GPC5: variants seen among roughly 807,000 people sequenced by gnomAD.
GPC5 encodes glypican-5.
In GPC5, 47 loss-of-function variants were observed where a neutral mutation model predicts 53.9. The ratio of observed to expected loss-of-function variants is 0.87; its 90% CI spans 0.69 to 1.11. The LOEUF (loss-of-function observed/expected upper bound fraction) is 1.11, where lower values mean the gene tolerates loss of function less well. Ranked by LOEUF, GPC5 falls within the 50% of genes most tolerant of loss-of-function variation. The probability of loss-of-function intolerance (pLI) is 0.00; values close to 1 mark genes in which losing one functional copy is unlikely to be tolerated. For missense variants in GPC5, 748 were observed against 713.1 expected, an observed-to-expected ratio of 1.05 and a Z score of -0.56; for synonymous variants, 286 against 263.3, an observed-to-expected ratio of 1.09 and a Z score of -0.84.
intron 7 of GPC5, among the ~76,000 whole-genome samples, chr13:92,256,908 T>C (rs1036262262): frequency 1.3e-5 from 2 of 152,136 alleles, no homozygotes; most frequent in Non-Finnish European, 2.9e-5. Flanking sequence ...CTGAATGTGC[T>C]TGAGAAAGAA....
intron 1 of GPC5, among the ~76,000 whole-genome samples, chr13:91,448,490 A>G (rs548024980): frequency 2.0e-5 from 3 of 152,244 alleles, no homozygotes; most frequent in Non-Finnish European, 2.9e-5. Flanking sequence ...GCTGTACTTC[A>G]TAGTAGTTAA....
intron 7 of GPC5, among the ~76,000 whole-genome samples, chr13:92,544,967 G>A (rs4328308): frequency 0.43 from 64,841 of 151,324 alleles, 14,566 homozygotes; most frequent in African/African-American, 0.56. Flanking sequence ...TGTGCACAAC[G>A]TGCAGGTTTG....
At chr13:91,689,220 T>C (rs1466775036) in intron 2 of GPC5, among the ~76,000 whole-genome samples, 5 of 117,076 alleles carry the variant, frequency 4.3e-5, no homozygotes, top group African/African-American at 7.8e-5. Flanking sequence ...TATATATATA[T>C]ATATATATAT....
intron 7 of GPC5, among the ~76,000 whole-genome samples, chr13:92,852,971 T>C (rs1878864512): frequency 6.6e-6 from 1 of 152,170 alleles, no homozygotes; most frequent in African/African-American, 2.4e-5. Flanking sequence ...CTAAGTCAGA[T>C]CACACTTGTC....
intron 6 of GPC5, among the ~76,000 whole-genome samples, chr13:91,984,692 AT>A (rs2040390801): frequency 6.6e-6 from 1 of 151,914 alleles, no homozygotes; most frequent in Non-Finnish European, 1.5e-5. Context: ...TAATTTCAAT[AT>A]TTTCTTTTGT....
intron 7 of GPC5, among the ~76,000 whole-genome samples, chr13:92,553,921 G>T (rs1172990294): frequency 6.6e-6 from 1 of 151,840 alleles, no homozygotes; most frequent in Admixed American, 6.6e-5. Flanking sequence ...ATTTATGATG[G>T]TGTCATTTGA....
In GPC5 at chr13:92,642,089, A is replaced by T. The variant is rs1283460716; in HGVS notation, c.1562-224193A>T. 3.9e-5 allele frequency among the ~76,000 whole-genome samples: 6 copies of T among 152,270 alleles called. No homozygotes were observed. In the East Asian group the frequency reaches 1.2e-3, roughly 29 times the overall value. On this transcript the variant is annotated intron_variant, in intron 7 of 7. Coordinates refer to ENST00000377067, the MANE Select transcript of GPC5 (RefSeq NM_004466.6). ...AATATTTCAAAAATAGAAGCTAGGG[A>T]TTGTAATATAATGTAGGTATATAAC...
At chr13:92,453,893 T>C (rs1057198311) in intron 7 of GPC5, among the ~76,000 whole-genome samples, 16 of 152,196 alleles carry the variant, frequency 1.1e-4, no homozygotes, top group Non-Finnish European at 2.9e-5. Context: ...ATGTTATTAT[T>C]TAGGCTACAC....
intron 7 of GPC5, among the ~76,000 whole-genome samples, chr13:92,675,669 T>C (rs1296928155): frequency 6.6e-6 from 1 of 152,102 alleles, no homozygotes; most frequent in East Asian, 1.9e-4. Flanking sequence ...GACTAAAGTT[T>C]CTTATATGAA....
intron 6 of GPC5, among the ~76,000 whole-genome samples, chr13:91,983,699 G>C (rs2040381727): frequency 6.6e-6 from 1 of 152,126 alleles, no homozygotes; most frequent in South Asian, 2.1e-4. Flanking sequence ...TTTGTAGCTT[G>C]GTCAAATAGC....
chr13:91,825,425 T>G (rs116443724), intron 5 of GPC5, among the ~76,000 whole-genome samples: 6,726 of 152,180 alleles, frequency 0.044, 173 homozygotes, highest in Middle Eastern at 0.068. Context: ...GGCAGAGTAA[T>G]AAAATGAGCT....
chr13:91,860,170 C>T (rs549486016), intron 5 of GPC5, among the ~76,000 whole-genome samples: 4 of 152,200 alleles, frequency 2.6e-5, no homozygotes, highest in East Asian at 1.9e-4. Flanking sequence ...CTTATTCCTC[C>T]GATCCAGCTT....
chr13:92,251,904 C>T (rs2042695229), intron 7 of GPC5, among the ~76,000 whole-genome samples: 1 of 152,050 alleles, frequency 6.6e-6, no homozygotes, highest in Admixed American at 6.6e-5. Flanking sequence ...ACAGTGTTAT[C>T]CAATAACACA....
At position 91,780,681 on chromosome 13, in the gene GPC5, G is replaced by A. The variant is rs551403622; in HGVS notation, c.1280+24261G>A. On this transcript the variant is annotated intron_variant, in intron 5 of 7. Transcript: ENST00000377067. ...GTTTCTAGTAAAGTTCAACTCTGGG[G>A]TTGAACAACAGTAAATCAGTCAAAC... Among the ~76,000 whole-genome samples the A allele has an allele frequency of 2.7e-3, 408 of 152,242 alleles. 2 individuals are homozygous for A. Among genetic ancestry groups the A allele is most frequent in the African/African-American group, 9.3e-3 (385 of 41,552 alleles).
chr13:91,873,462 G>A (rs1311968127), intron 5 of GPC5, among the ~76,000 whole-genome samples: 1 of 152,066 alleles, frequency 6.6e-6, no homozygotes, highest in African/African-American at 2.4e-5. Context: ...TGAATCATGG[G>A]GGCGGGCCTT....
At chr13:91,915,135 C>T (rs1180517462) in intron 6 of GPC5, among the ~76,000 whole-genome samples, 2 of 152,094 alleles carry the variant, frequency 1.3e-5, no homozygotes, top group African/African-American at 4.8e-5. Context: ...TCCAGAGAAA[C>T]GAACAGTTCT....
intron 7 of GPC5, among the ~76,000 whole-genome samples, chr13:92,199,097 G>A (rs534606661): frequency 2.4e-4 from 37 of 152,290 alleles, no homozygotes; most frequent in Admixed American, 6.5e-4. Flanking sequence ...ATTACAGAGC[G>A]CTCAGTAGTA....
At chr13:91,728,391 A>G in intron 3 of GPC5, 141 bp from the exon 4 acceptor site, 1 of 591,678 alleles carries the variant, frequency 1.7e-6, no homozygotes, top group Non-Finnish European at 2.7e-6. Flanking sequence ...ATTGACAAAC[A>G]TTATATATAC....
chr13:92,398,807 T>C (rs1176269218), intron 7 of GPC5, among the ~76,000 whole-genome samples: 1 of 152,150 alleles, frequency 6.6e-6, no homozygotes, highest in Non-Finnish European at 1.5e-5. Flanking sequence ...TTCCAAAAAC[T>C]CAAATATTTT....
Sources: gnomAD v4.1 joint callset for allele counts (sites outside exome capture counted in the v4.1 genomes callset) on GRCh38, gnomAD v4.1.1 for gene constraint, MANE v1.5 for transcripts, NCBI Gene and HGNC (gene_info 2026-07-23, HGNC 2026-07-21) for gene names.